SLC35F1: variants seen among roughly 807,000 people sequenced by gnomAD.
SLC35F1 encodes the protein chromosome 6 open reading frame 169.
A neutral mutation model predicts 48.7 loss-of-function variants in SLC35F1; 14 were observed. The observed-to-expected ratio is 0.29, with a 90% CI of 0.19 to 0.45. The LOEUF is 0.45. Among genes scored for constraint, SLC35F1 ranks in the 20% least tolerant of loss-of-function variants. The pLI is 1.00. For synonymous variants in SLC35F1, 190 were observed against 202.2 expected, an observed-to-expected ratio of 0.94 and a Z score of 0.51; for missense variants, 404 against 500.0, an observed-to-expected ratio of 0.81 and a Z score of 1.83.
chr6:118,079,901 G>A (rs1052870916), intron 1 of SLC35F1, among the ~76,000 whole-genome samples: 2 of 152,056 alleles, frequency 1.3e-5, no homozygotes, highest in African/African-American at 4.8e-5. Context: ...TCTCCTTCTT[G>A]TCAAAAATTT....
intron 6 of SLC35F1, among the ~76,000 whole-genome samples, chr6:118,281,496 A>G (rs1165480357): frequency 1.3e-5 from 2 of 152,012 alleles, no homozygotes; most frequent in Non-Finnish European, 2.9e-5. Flanking sequence ...GTTTTGGCCA[A>G]TGGGAGGCAG....
At chr6:118,076,377 T>C (rs1288246301) in intron 1 of SLC35F1, among the ~76,000 whole-genome samples, 2 of 152,190 alleles carry the variant, frequency 1.3e-5, no homozygotes, top group Admixed American at 6.5e-5. Context: ...AAGAGCTACC[T>C]GAGACTGCAT....
intron 1 of SLC35F1, among the ~76,000 whole-genome samples, chr6:118,081,634 TCAAACAAA>T (rs140914804): frequency 0.015 from 2,235 of 152,180 alleles, 56 homozygotes; most frequent in African/African-American, 0.051. Context: ...GACCCTGTTT[TCAAACAAA>T]CAAACAAACA....
intron 1 of SLC35F1, among the ~76,000 whole-genome samples, chr6:117,999,698 C>T (rs1164279556): frequency 1.3e-5 from 2 of 151,836 alleles, no homozygotes; most frequent in African/African-American, 2.4e-5. Flanking sequence ...TGATAGACCA[C>T]TAGCAAGACT....
intron 2 of SLC35F1, 21 bp from the exon 3 acceptor site, chr6:118,235,488 C>A: frequency 6.2e-7 from 1 of 1,609,418 alleles, no homozygotes; most frequent in Non-Finnish European, 8.5e-7. Context: ...TAACCCATTT[C>A]TTCTTAACTT....
Position 117,924,494 on chromosome 6 carries a change from ATATGTATATACG to A in SLC35F1, c.173+16599_173+16610del, listed in dbSNP as rs1562239551. Among the ~76,000 whole-genome samples, 62 of 21,176 alleles carry A rather than the reference ATATGTATATACG, an allele frequency of 2.9e-3. 3 individuals are homozygous for A. In the Admixed American group the frequency reaches 0.033, roughly 11 times the overall value. The allele number at this position is 21,176 out of a possible 152,430, so 13.9% of individuals were successfully genotyped here. On this transcript the variant is annotated intron_variant, in intron 1 of 7. Coordinates refer to ENST00000360388, the MANE Select transcript of SLC35F1 (RefSeq NM_001029858.4). ...TATACATATGTATATACGTATATAC[ATATGTATATACG>A]TATATACATATATATATGTCAAGTT...
At chr6:118,293,152 A>G (rs935505497) in intron 7 of SLC35F1, among the ~76,000 whole-genome samples, 2 of 152,180 alleles carry the variant, frequency 1.3e-5, no homozygotes, top group Non-Finnish European at 2.9e-5. Flanking sequence ...GTTGAAATTG[A>G]AAGGGTGTTA....
At chr6:118,227,969 G>A (rs529733269) in intron 2 of SLC35F1, among the ~76,000 whole-genome samples, 27 of 152,264 alleles carry the variant, frequency 1.8e-4, no homozygotes, top group Non-Finnish European at 3.4e-4. Context: ...TGCAATATGT[G>A]TGGAATCATT....
At chr6:118,306,456 C>A (rs1196232300) in intron 7 of SLC35F1, among the ~76,000 whole-genome samples, 4 of 152,208 alleles carry the variant, frequency 2.6e-5, no homozygotes, top group African/African-American at 9.6e-5. Flanking sequence ...AAAATTCAGT[C>A]TCTTACAAAA....
In SLC35F1 at chr6:117,910,621, G is replaced by T. The variant is rs376711509; in HGVS notation, c.173+2722G>T. ...CTTTTGACATGCAGATATATGGTTA[G>T]CAGCATTCTATTGCTGTGGGCTGGT... On this transcript the variant is annotated intron_variant, in intron 1 of 7. Coordinates refer to ENST00000360388, the MANE Select transcript of SLC35F1 (RefSeq NM_001029858.4). Among the ~76,000 whole-genome samples, 18 of 152,324 alleles carry T rather than the reference G, an allele frequency of 1.2e-4. No individual in the cohort carries two copies. The East Asian group carries it at 3.1e-3, about 26-fold the overall frequency.
At chr6:117,931,445 A>G (rs1256337447) in intron 1 of SLC35F1, among the ~76,000 whole-genome samples, 1 of 152,032 alleles carries the variant, frequency 6.6e-6, no homozygotes, top group African/African-American at 2.4e-5. Flanking sequence ...TGACTGAATT[A>G]TTTTCACTGT....
At chr6:118,279,270 T>G in intron 6 of SLC35F1, among the ~76,000 whole-genome samples, 1 of 152,318 alleles carries the variant, frequency 6.6e-6, no homozygotes, top group East Asian at 1.9e-4. Flanking sequence ...CACATGTACC[T>G]CATAAATATG....
rs1431309173 is a variant in SLC35F1, at chr6:117,907,275, C to T, written c.-452C>T. 2.0e-5 allele frequency among the ~76,000 whole-genome samples: 3 copies of T among 150,434 alleles called. No homozygotes were observed. Among genetic ancestry groups the T allele is most frequent in the Non-Finnish European group, 4.4e-5 (3 of 67,600 alleles). ...TCACTCCGTGAGACACAGACGGTAG[C>T]TTTCCGACCGAGCGGGGCACAGGCT... On this transcript the variant is annotated 5_prime_UTR_variant, in exon 1 of 8. Coordinates refer to ENST00000360388, the MANE Select transcript of SLC35F1 (RefSeq NM_001029858.4).
At chr6:117,952,341 C>T (rs1196601273) in intron 1 of SLC35F1, among the ~76,000 whole-genome samples, 2 of 152,194 alleles carry the variant, frequency 1.3e-5, no homozygotes, top group Non-Finnish European at 2.9e-5. Context: ...TACCATGGGG[C>T]TGCTCCTCTT....
At chr6:118,252,042 A>G (rs1250920539) in intron 3 of SLC35F1, among the ~76,000 whole-genome samples, 2 of 152,204 alleles carry the variant, frequency 1.3e-5, no homozygotes, top group Non-Finnish European at 2.9e-5. Context: ...AGAAGTTACT[A>G]GTAGTAAGAG....
At chr6:118,165,259 G>T (rs577724917) in intron 2 of SLC35F1, among the ~76,000 whole-genome samples, 7 of 152,154 alleles carry the variant, frequency 4.6e-5, no homozygotes, top group African/African-American at 9.7e-5. Flanking sequence ...CCTTGTTTGT[G>T]TGTGTGTGTT....
At chr6:118,231,316 G>T (rs960524341) in intron 2 of SLC35F1, among the ~76,000 whole-genome samples, 3 of 152,156 alleles carry the variant, frequency 2.0e-5, no homozygotes, top group Admixed American at 1.3e-4. Context: ...TTTAAAAAAA[G>T]GTGGGGTGGA....
intron 1 of SLC35F1, among the ~76,000 whole-genome samples, chr6:118,096,366 AAG>A (rs1334848705): frequency 1.3e-5 from 2 of 152,234 alleles, no homozygotes; most frequent in Admixed American, 1.3e-4. Context: ...GTGAGTTAAA[AAG>A]AGTAAAGCCA....
chr6:117,908,194 C>G (rs1260534248), intron 1 of SLC35F1, among the ~76,000 whole-genome samples: 1 of 152,180 alleles, frequency 6.6e-6, no homozygotes, highest in Non-Finnish European at 1.5e-5. Context: ...CTCACACCCT[C>G]CATACGCGTG....
Sources: allele counts gnomAD v4.1 joint callset (sites outside exome capture counted in the v4.1 genomes callset), GRCh38; gene constraint gnomAD v4.1.1; transcripts MANE v1.5; gene names NCBI Gene and HGNC (gene_info 2026-07-23, HGNC 2026-07-21).